Variants in B4GALNT3 observed in about 807,000 individuals in gnomAD.
B4GALNT3 encodes beta-1,4-N-acetyl-galactosaminyltransferase 3.
In B4GALNT3, 86 loss-of-function variants were observed where a neutral mutation model predicts 120.2. That is an observed-to-expected ratio of 0.72 (90% CI 0.60 to 0.86). The LOEUF (loss-of-function observed/expected upper bound fraction) is 0.86. Among genes scored for constraint, B4GALNT3 ranks in the 40% least tolerant of loss-of-function variants. B4GALNT3 has a pLI of 0.00. For synonymous variants in B4GALNT3, 518 were observed against 510.4 expected, an observed-to-expected ratio of 1.01 and a Z score of -0.20; for missense variants, 1,167 against 1,298.9, an observed-to-expected ratio of 0.90 and a Z score of 1.56.
chr12:547,553 G>A (rs898573099), intron 7 of B4GALNT3, among the ~76,000 whole-genome samples: 1 of 152,186 alleles, frequency 6.6e-6, no homozygotes, highest in Admixed American at 6.5e-5. Context: ...AGCTGCCGTG[G>A]TGGGTACGCC....
chr12:488,958 C>T (rs74450184), intron 1 of B4GALNT3, among the ~76,000 whole-genome samples: 2,549 of 151,650 alleles, frequency 0.017, 63 homozygotes, highest in South Asian at 0.1. Context: ...TTAAAATGCT[C>T]GCTTAAAACC....
chr12:514,214 T>C (rs75958248), intron 1 of B4GALNT3, among the ~76,000 whole-genome samples: 19 of 150,124 alleles, frequency 1.3e-4, no homozygotes, highest in Non-Finnish European at 2.4e-4. Context: ...TTTTTTTTTT[T>C]TGAGACGGAG....
At chr12:508,562 G>A (rs996173444) in intron 1 of B4GALNT3, among the ~76,000 whole-genome samples, 2 of 152,164 alleles carry the variant, frequency 1.3e-5, no homozygotes, top group African/African-American at 2.4e-5. Context: ...CCGAGGTTTG[G>A]TTCTCTGCAG....
At position 553,532 on chromosome 12, in the gene B4GALNT3, C is replaced by G. The variant is rs770216264; in HGVS notation, c.1609C>G (p.Pro537Ala). The G allele has an allele frequency of 1.9e-6, 3 of 1,613,858 alleles. No individual in the cohort carries two copies. Among genetic ancestry groups the G allele is most frequent in the African/African-American group, 2.7e-5 (2 of 74,956 alleles). Residue 537 changes from proline to alanine, a missense_variant, in exon 14 of 20, where the codon CCT (proline) becomes GCT (alanine). Coordinates refer to ENST00000266383, the MANE Select transcript of B4GALNT3 (RefSeq NM_173593.4). ...TTCCGACAAGTGGCCTCCTGGGCACCCTGTGAAGAACCTGCCTCAGATGAG... is the reference window on the plus strand; with the variant it reads ...TTCCGACAAGTGGCCTCCTGGGCACGCTGTGAAGAACCTGCCTCAGATGAG... Reference protein sequence around the residue: ...PHSDKWPPGHPVKNLPQMRGP... With the variant: ...PHSDKWPPGHAVKNLPQMRGP...
In B4GALNT3 at chr12:548,683, G is replaced by A. The variant is rs1415944100; in HGVS notation, c.853+386G>A. On this transcript the variant is annotated intron_variant, in intron 9 of 19. Coordinates refer to ENST00000266383, the MANE Select transcript of B4GALNT3 (RefSeq NM_173593.4). The surrounding 1 kb of genome is among the most constrained non-coding windows in gnomAD (Gnocchi z 4.9). ...CCAGCACTTTGGGAGGCCGAGGTAGGAGGATTGCTTGAGCCCAGGAGTTCG... is the reference window on the plus strand; with the variant it reads ...CCAGCACTTTGGGAGGCCGAGGTAGAAGGATTGCTTGAGCCCAGGAGTTCG... 1.3e-5 allele frequency among the ~76,000 whole-genome samples: 2 copies of A among 152,234 alleles called. No individual in the cohort carries two copies. The highest frequency in any genetic ancestry group is 3.8e-4 in the East Asian group (2 of 5,202).
At chr12:488,156 A>G (rs113088254) in intron 1 of B4GALNT3, among the ~76,000 whole-genome samples, 16,044 of 152,112 alleles carry the variant, frequency 0.11, 1,011 homozygotes, top group East Asian at 0.21. Flanking sequence ...GAAGAAAAAA[A>G]AAAAAAACCC....
chr12:532,544 G>C (rs564897742), intron 1 of B4GALNT3, among the ~76,000 whole-genome samples: 1 of 152,312 alleles, frequency 6.6e-6, no homozygotes, highest in East Asian at 1.9e-4. Context: ...TCAGTGGTTG[G>C]AAAACGACTG....
intron 16 of B4GALNT3, 125 bp downstream of exon 16, chr12:557,886 C>T: frequency 6.8e-7 from 1 of 1,461,496 alleles, no homozygotes; most frequent in Non-Finnish European, 9.4e-7. Context: ...TCCAACTTTT[C>T]CCAGAGGGCT....
chr12:521,668 T>TAA (rs1483684290), intron 1 of B4GALNT3, among the ~76,000 whole-genome samples: 1 of 152,204 alleles, frequency 6.6e-6, no homozygotes, highest in Non-Finnish European at 1.5e-5. Context: ...ACCACGGGGT[T>TAA]CAGAACATCC....
chr12:540,926 G>A (rs1267688933), intron 3 of B4GALNT3, among the ~76,000 whole-genome samples: 2 of 152,082 alleles, frequency 1.3e-5, no homozygotes, highest in Non-Finnish European at 2.9e-5. Flanking sequence ...TGTATTTTTA[G>A]TAGAGATGGG....
Position 548,596 on chromosome 12 carries a change from CTG to C in B4GALNT3, c.853+302_853+303del, listed in dbSNP as rs1271399160. Among the ~76,000 whole-genome samples the C allele has an allele frequency of 4.6e-5, 7 of 152,176 alleles. No individual in the cohort carries two copies. The highest frequency in any genetic ancestry group is 3.9e-4 in the Admixed American group (6 of 15,280). ...ATACAACTTCAAGGGAGTCCAGAGA[CTG>C]TGAGCTCACACCAGATCTAAAAACT... On this transcript the variant is annotated intron_variant, in intron 9 of 19. Transcript: ENST00000266383. The surrounding 1 kb of genome is among the most constrained non-coding windows in gnomAD (Gnocchi z 4.9).
At chr12:530,316 C>T (rs555438355) in intron 1 of B4GALNT3, among the ~76,000 whole-genome samples, 46 of 152,310 alleles carry the variant, frequency 3.0e-4, no homozygotes, top group Middle Eastern at 3.4e-3. Context: ...TTTATACTTA[C>T]GTGAGAACTT....
chr12:500,865 C>CCTTTTTTTTTTTTTTTTTTTTTTTTTTTT (rs2043817132), intron 1 of B4GALNT3, among the ~76,000 whole-genome samples: 9 of 61,814 alleles, frequency 1.5e-4, no homozygotes, highest in African/African-American at 6.7e-4. Flanking sequence ...GGCTCCACTG[C>CCTTTTTTTTTTTTTTTTTTTTTTTTTTTT]TTTTTTTTTT....
At chr12:532,071 C>T (rs955647750) in intron 1 of B4GALNT3, among the ~76,000 whole-genome samples, 2 of 152,118 alleles carry the variant, frequency 1.3e-5, no homozygotes, top group Non-Finnish European at 2.9e-5. Flanking sequence ...CTCCCAAAGT[C>T]CTGGGATTCC....
At chr12:524,424 T>G (rs1946741990) in intron 1 of B4GALNT3, among the ~76,000 whole-genome samples, 1 of 152,072 alleles carries the variant, frequency 6.6e-6, no homozygotes. Context: ...CTTAATAAGA[T>G]CCTTAAAAGA....
rs749751895 is a variant in B4GALNT3, at chr12:558,074, A to C, written c.2593A>C (p.Ile865Leu). The change falls in exon 17 of 20, where the codon ATA (isoleucine) becomes CTA (leucine). Residue 865 changes from isoleucine (I) to leucine (L), a missense_variant. By Grantham distance (5) the Ile-to-Leu change is conservative. Around this residue, in one of 3 missense-constraint regions of B4GALNT3, gnomAD observed 983 missense variants for 1,102.5 expected, o/e 0.89. Transcript: ENST00000266383. Reference protein sequence around the residue: ...FERSAGLQAGIDLVKDPHSII... With the variant: ...FERSAGLQAGLDLVKDPHSII... ...ACGCTCAGCTGGACTTCAGGCTGGC[A>C]TAGACCTCGTGAAGGTAAAGGGCCT... The C allele has an allele frequency of 8.1e-6, 13 of 1,613,922 alleles. No individual in the cohort carries two copies. Among genetic ancestry groups the C allele is most frequent in the Admixed American group, 3.3e-5 (2 of 60,028 alleles).
chr12:460,317 G>T lies in B4GALNT3; in HGVS notation c.-60G>T, dbSNP rs912328386. The T allele has an allele frequency of 1.1e-4, 111 of 977,910 alleles. No individual in the cohort carries two copies. The highest frequency in any genetic ancestry group is 1.3e-4 in the Non-Finnish European group (104 of 824,542). 60.6% of individuals were successfully genotyped at this position (977,910 alleles called of 1,614,324 possible). On this transcript the variant is annotated 5_prime_UTR_variant, in exon 1 of 20. Coordinates refer to ENST00000266383, the MANE Select transcript of B4GALNT3 (RefSeq NM_173593.4). This position sits in a 1 kb window ranked among gnomAD's most constrained non-coding sequence, Gnocchi z 8.0. ...GCGCCCTGGGCGCGGGGCCCGGCCG[G>T]GGGGCGGCGGCTCGGGGGGTTGGAG...
intron 1 of B4GALNT3, among the ~76,000 whole-genome samples, chr12:519,521 G>T (rs1946685851): frequency 1.3e-5 from 2 of 151,902 alleles, no homozygotes; most frequent in African/African-American, 4.8e-5. Context: ...GTGGCAATAA[G>T]GCTCCCTCCC....
At chr12:499,240 A>G (rs1004987976) in intron 1 of B4GALNT3, among the ~76,000 whole-genome samples, 1 of 152,232 alleles carries the variant, frequency 6.6e-6, no homozygotes, top group Non-Finnish European at 1.5e-5. Context: ...GCAGTCAAAA[A>G]CTTAAGATCC....
Sources: allele counts gnomAD v4.1 joint callset (sites outside exome capture counted in the v4.1 genomes callset), GRCh38; gene constraint gnomAD v4.1.1; regional missense constraint gnomAD v4.1.1; non-coding constraint Gnocchi (gnomAD v3.1); transcripts MANE v1.5; gene names NCBI Gene and HGNC (gene_info 2026-07-23, HGNC 2026-07-21).